PACRG: variants seen among roughly 807,000 people sequenced by gnomAD.
The protein encoded by PACRG is parkin coregulated gene protein.
PACRG carries 29 observed loss-of-function variants against 29.7 expected under a neutral mutation model. The ratio of observed to expected loss-of-function variants is 0.98; its 90% confidence interval spans 0.73 to 1.33. The LOEUF (loss-of-function observed/expected upper bound fraction) is 1.33, where lower values mean the gene tolerates loss of function less well. PACRG is among the 40% of genes most tolerant of loss of function. The pLI, the probability that PACRG is intolerant of heterozygous loss-of-function variation, is 0.00. For missense variants in PACRG, 279 were observed against 316.2 expected, an observed-to-expected ratio of 0.88 and a Z score of 0.89; for synonymous variants, 116 against 118.7, an observed-to-expected ratio of 0.98 and a Z score of 0.15.
intron 2 of PACRG, among the ~76,000 whole-genome samples, chr6:162,950,522 TA>T (rs34173716): frequency 0.68 from 102,701 of 151,844 alleles, 37,763 homozygotes; most frequent in Middle Eastern, 0.85. Context: ...AATAAATAAA[TA>T]AATTAATTAA....
intron 2 of PACRG, among the ~76,000 whole-genome samples, chr6:162,921,125 C>T (rs971123256): frequency 8.5e-5 from 13 of 152,160 alleles, no homozygotes; most frequent in Non-Finnish European, 1.8e-4. Context: ...TAAACAAACT[C>T]TTGTTACAAA....
At chr6:162,868,719 A>T (rs181673464) in intron 2 of PACRG, among the ~76,000 whole-genome samples, 1 of 152,280 alleles carries the variant, frequency 6.6e-6, no homozygotes, top group African/African-American at 2.4e-5. Flanking sequence ...CTCCTTCGCC[A>T]TGCACATGCG....
At chr6:163,183,948 C>T (rs1285850034) in intron 4 of PACRG, among the ~76,000 whole-genome samples, 1 of 152,190 alleles carries the variant, frequency 6.6e-6, no homozygotes, top group African/African-American at 2.4e-5. Context: ...GTAGGAAGCT[C>T]ATCACTCTAA....
At chr6:163,188,652 A>G (rs549957231) in intron 4 of PACRG, among the ~76,000 whole-genome samples, 1 of 152,302 alleles carries the variant, frequency 6.6e-6, no homozygotes, top group East Asian at 1.9e-4. Flanking sequence ...TGACCGTTTT[A>G]TTTTAGTGGC....
chr6:162,870,243 T>C (rs1792686187), intron 2 of PACRG, among the ~76,000 whole-genome samples: 1 of 152,226 alleles, frequency 6.6e-6, no homozygotes, highest in African/African-American at 2.4e-5. Context: ...TGCTTAATGA[T>C]TACCAAGCGT....
At chr6:163,074,125 A>G (rs945835855) in intron 3 of PACRG, among the ~76,000 whole-genome samples, 5 of 152,198 alleles carry the variant, frequency 3.3e-5, no homozygotes, top group African/African-American at 1.2e-4. Context: ...GCATTCGCGT[A>G]TTTATTGCAG....
intron 1 of PACRG, among the ~76,000 whole-genome samples, chr6:162,766,596 A>G (rs1782811124): frequency 6.6e-6 from 1 of 152,308 alleles, no homozygotes; most frequent in South Asian, 2.1e-4. Flanking sequence ...AGATCATACG[A>G]TAATTCTGTT....
intron 4 of PACRG, among the ~76,000 whole-genome samples, chr6:163,171,455 G>A (rs1779080327): frequency 6.6e-6 from 1 of 152,104 alleles, no homozygotes; most frequent in Non-Finnish European, 1.5e-5. Context: ...TGACTGTTCT[G>A]CCCATTTTAC....
At chr6:163,003,290 T>C (rs1804750902) in intron 2 of PACRG, among the ~76,000 whole-genome samples, 1 of 152,246 alleles carries the variant, frequency 6.6e-6, no homozygotes, top group Non-Finnish European at 1.5e-5. Context: ...TGCTGATTAA[T>C]ATGCAAATGA....
At chr6:162,935,624 T>C (rs902709812) in intron 2 of PACRG, among the ~76,000 whole-genome samples, 2 of 152,110 alleles carry the variant, frequency 1.3e-5, no homozygotes, top group African/African-American at 4.8e-5. Context: ...ATTTCTTCTG[T>C]AACCTGTTGA....
intron 1 of PACRG, among the ~76,000 whole-genome samples, chr6:162,804,353 T>G (rs534944406): frequency 1.3e-5 from 2 of 152,324 alleles, no homozygotes; most frequent in South Asian, 4.1e-4. Context: ...GATTTTTGCT[T>G]GAATTTAATA....
chr6:163,230,705 T>C (rs965032098), intron 4 of PACRG, among the ~76,000 whole-genome samples: 2 of 63,300 alleles, frequency 3.2e-5, no homozygotes, highest in Non-Finnish European at 3.2e-5. Flanking sequence ...ACCTTCAAAA[T>C]CCCTAAAACG....
At chr6:163,236,176 T>C (rs1246651600) in intron 4 of PACRG, among the ~76,000 whole-genome samples, 2 of 152,222 alleles carry the variant, frequency 1.3e-5, no homozygotes, top group African/African-American at 4.8e-5. Context: ...TCATGTTAAA[T>C]AGAACTGTTC....
chr6:163,004,733 TATATAC>T (rs1214349249), intron 2 of PACRG, among the ~76,000 whole-genome samples: 3 of 139,380 alleles, frequency 2.2e-5, no homozygotes. Flanking sequence ...TGTGTATATA[TATATAC>T]ACACACACAC....
chr6:162,773,603 T>C (rs1039197976), intron 1 of PACRG, among the ~76,000 whole-genome samples: 11 of 141,776 alleles, frequency 7.8e-5, no homozygotes, highest in African/African-American at 2.7e-4. Flanking sequence ...CAAGCTCCGC[T>C]TCCCGGGTTC....
chr6:162,931,874 A>G (rs184333793), intron 2 of PACRG, among the ~76,000 whole-genome samples: 7 of 152,140 alleles, frequency 4.6e-5, no homozygotes, highest in Middle Eastern at 6.8e-3. Flanking sequence ...TCAAAGATAC[A>G]AATGCCATAT....
rs75294061 is a variant in PACRG at position 162,862,524 on chromosome 6, C to T, written c.291+48243C>T. Among the ~76,000 whole-genome samples, 229 of 152,324 alleles carry T rather than the reference C, an allele frequency of 1.5e-3. 4 individuals are homozygous for T. The East Asian group carries it at 0.039, about 26-fold the overall frequency. The stretch of plus-strand genomic sequence containing the variant: ...TGCAACATCTAAGTTGTACCTGAAG[C>T]AGAATTTCAATTTAATGTGCCATGT... On this transcript the variant is annotated intron_variant, in intron 2 of 4. Coordinates refer to ENST00000366888, the MANE Select transcript of PACRG (RefSeq NM_001080379.2).
chr6:163,084,698 T>G (rs564849707), intron 3 of PACRG, among the ~76,000 whole-genome samples: 3 of 152,104 alleles, frequency 2.0e-5, no homozygotes, highest in African/African-American at 7.2e-5. Flanking sequence ...ATAGCTAATA[T>G]CTAATCTATG....
At position 163,062,131 on chromosome 6, in the gene PACRG, C is replaced by T; in HGVS notation, c.292-19C>T. ...CGAATGCTGTTTTCACATGGCGTCT[C>T]TTCTTTCTTTACTTTCAGGTAGAAA... On this transcript the variant is annotated intron_variant, in intron 2 of 4. Coordinates refer to ENST00000366888, the MANE Select transcript of PACRG (RefSeq NM_001080379.2). 1 of 1,612,632 alleles carries T rather than the reference C, an allele frequency of 6.2e-7. No individual in the cohort carries two copies. Among genetic ancestry groups the T allele is most frequent in the Non-Finnish European group, 8.5e-7 (1 of 1,179,320 alleles).
Sources: allele counts gnomAD v4.1 joint callset (sites outside exome capture counted in the v4.1 genomes callset), GRCh38; gene constraint gnomAD v4.1.1; transcripts MANE v1.5; gene names NCBI Gene and HGNC (gene_info 2026-07-23, HGNC 2026-07-21).